Variants in PRKN observed in about 807,000 individuals in gnomAD.
The protein encoded by PRKN is E3 ubiquitin-protein ligase parkin.
PRKN carries 56 observed loss-of-function variants against 59.5 expected under a neutral mutation model. The observed-to-expected ratio is 0.94, with a 90% CI of 0.76 to 1.18. The LOEUF is 1.18. PRKN is among the 50% of genes most tolerant of loss of function. The pLI is 0.00. For missense variants in PRKN, 657 were observed against 596.4 expected (o/e 1.10, Z -1.06); for synonymous variants, 250 against 222.1 (o/e 1.13, Z -1.12).
At chr6:161,745,876 G>C (rs1449437353) in intron 7 of PRKN, among the ~76,000 whole-genome samples, 1 of 152,246 alleles carries the variant, frequency 6.6e-6, no homozygotes, top group South Asian at 2.1e-4. Flanking sequence ...ACTGTAATAT[G>C]ATGAAGCTAA....
chr6:161,620,172 T>G (rs1782844847), intron 7 of PRKN, among the ~76,000 whole-genome samples: 1 of 151,104 alleles, frequency 6.6e-6, no homozygotes, highest in Admixed American at 6.6e-5. Flanking sequence ...TTTTTTTTTT[T>G]TGTATTTTTA....
At chr6:162,101,004 G>A (rs1193563403) in intron 4 of PRKN, among the ~76,000 whole-genome samples, 1 of 151,918 alleles carries the variant, frequency 6.6e-6, no homozygotes, top group Non-Finnish European at 1.5e-5. Context: ...TGTATGGTTG[G>A]CAAATATTTT....
At chr6:162,495,373 T>C (rs1021777249) in intron 1 of PRKN, among the ~76,000 whole-genome samples, 5 of 152,202 alleles carry the variant, frequency 3.3e-5, no homozygotes, top group Non-Finnish European at 7.4e-5. Context: ...TTTTTGGTCT[T>C]TTTATTTCAG....
chr6:162,049,538 A>T (rs560009304), intron 5 of PRKN, among the ~76,000 whole-genome samples: 1 of 152,226 alleles, frequency 6.6e-6, no homozygotes, highest in South Asian at 2.1e-4. Context: ...CAGAAGAAAA[A>T]ATATAGTTGG....
intron 1 of PRKN, among the ~76,000 whole-genome samples, chr6:162,613,391 A>C (rs747163115): frequency 6.6e-6 from 1 of 152,224 alleles, no homozygotes; most frequent in Non-Finnish European, 1.5e-5. Context: ...CCTGTATTAC[A>C]ATCAGTTTGA....
In PRKN at chr6:161,552,604, C is replaced by A. The variant is rs900820367; in HGVS notation, c.934-3601G>T. On this transcript the variant is annotated intron_variant, in intron 8 of 11. Transcript: ENST00000366898. The surrounding 1 kb of genome is among the most constrained non-coding windows in gnomAD (Gnocchi z 4.9). ...AAAAACAAAAACAAAAAACAAAAAA[C>A]AAAAAACTTTTTATTGTAAATATCA... 2.7e-5 allele frequency among the ~76,000 whole-genome samples: 4 copies of A among 146,598 alleles called. No individual in the cohort carries two copies. The highest frequency in any genetic ancestry group is 1.1e-4 in the African/African-American group (4 of 37,016).
At chr6:161,626,363 T>C (rs536051162) in intron 7 of PRKN, among the ~76,000 whole-genome samples, 13 of 152,264 alleles carry the variant, frequency 8.5e-5, no homozygotes, top group East Asian at 1.9e-4. Flanking sequence ...CTACCACCCA[T>C]GTGTACACGA....
chr6:161,545,581 T>C lies in PRKN; in HGVS notation c.1083+3273A>G, dbSNP rs1779768763. On this transcript the variant is annotated intron_variant, in intron 9 of 11. Coordinates refer to ENST00000366898, the MANE Select transcript of PRKN (RefSeq NM_004562.3). The surrounding 1 kb of genome is among the most constrained non-coding windows in gnomAD (Gnocchi z 4.1). ...TTACACTCCTTAAACCCAGAAAAGA[T>C]GGGCAGCTTACAAGGTTATACAAAC... 1.3e-5 allele frequency: 9 copies of C among 674,104 alleles called. No individual in the cohort carries two copies. The highest frequency in any genetic ancestry group is 7.2e-5 in the African/African-American group (4 of 55,544). The allele number at this position is 674,104 out of a possible 1,614,324, so 41.8% of individuals were successfully genotyped here.
intron 6 of PRKN, among the ~76,000 whole-genome samples, chr6:161,805,445 C>CACACAT (rs1288114171): frequency 2.0e-5 from 1 of 51,052 alleles, no homozygotes; most frequent in Non-Finnish European, 3.7e-5. Context: ...TTCCTGAGTA[C>CACACAT]ACACATGCAC....
intron 7 of PRKN, among the ~76,000 whole-genome samples, chr6:161,764,473 A>G (rs893477153): frequency 2.0e-5 from 3 of 152,220 alleles, no homozygotes; most frequent in Admixed American, 6.5e-5. Flanking sequence ...TACAAATTAT[A>G]TCATTCAACA....
chr6:161,355,537 G>A lies in PRKN; in HGVS notation c.1285+4551C>T, dbSNP rs556086820. Among the ~76,000 whole-genome samples the A allele has an allele frequency of 3.9e-5, 6 of 152,058 alleles. No individual in the cohort carries two copies. The highest frequency in any genetic ancestry group is 1.4e-4 in the African/African-American group (6 of 41,476). ...GTGTCTCGGCCTCCCGAGTAGCTGG[G>A]ATCACAGGTGCCTGCCACCACACCT... On this transcript the variant is annotated intron_variant, in intron 11 of 11. Transcript: ENST00000366898. This position sits in a 1 kb window ranked among gnomAD's most constrained non-coding sequence, Gnocchi z 6.8.
At chr6:162,480,348 T>C (rs1156577252) in intron 1 of PRKN, among the ~76,000 whole-genome samples, 1 of 152,100 alleles carries the variant, frequency 6.6e-6, no homozygotes, top group African/African-American at 2.4e-5. Flanking sequence ...CTAACTGAAA[T>C]GTCATGGGGC....
At chr6:162,101,475 T>C (rs1181014121) in intron 4 of PRKN, among the ~76,000 whole-genome samples, 1 of 151,676 alleles carries the variant, frequency 6.6e-6, no homozygotes, top group Non-Finnish European at 1.5e-5. Context: ...GAGACCATCC[T>C]GGCTAACGTG....
intron 1 of PRKN, among the ~76,000 whole-genome samples, chr6:162,650,423 C>A (rs963869165): frequency 9.2e-5 from 14 of 151,572 alleles, no homozygotes; most frequent in African/African-American, 3.4e-4. Context: ...ACGGTGAAAC[C>A]CCGTCTCTAC....
At chr6:162,470,221 C>T (rs574495520) in intron 1 of PRKN, among the ~76,000 whole-genome samples, 46 of 152,244 alleles carry the variant, frequency 3.0e-4, no homozygotes, top group African/African-American at 1.1e-3. Flanking sequence ...ATGTCCTTGA[C>T]ATTTTATGAT....
At chr6:162,433,187 T>C (rs975963130) in intron 2 of PRKN, among the ~76,000 whole-genome samples, 2 of 152,236 alleles carry the variant, frequency 1.3e-5, no homozygotes, top group African/African-American at 4.8e-5. Context: ...AAAATTTGCT[T>C]ATGTGTCAGT....
intron 7 of PRKN, among the ~76,000 whole-genome samples, chr6:161,757,933 G>GTATATATA (rs1415902228): frequency 1.4e-4 from 14 of 101,430 alleles, no homozygotes; most frequent in South Asian, 7.2e-4. Flanking sequence ...CTCTCTCTCT[G>GTATATATA]TATATATATG....
At chr6:161,433,382 CTGTT>C (rs1315917310) in intron 9 of PRKN, among the ~76,000 whole-genome samples, 1 of 143,126 alleles carries the variant, frequency 7.0e-6, no homozygotes, top group East Asian at 2.0e-4. Flanking sequence ...TTTGGATTAA[CTGTT>C]TACTACTAAT....
At chr6:161,613,185 A>C (rs912818959) in intron 7 of PRKN, among the ~76,000 whole-genome samples, 5 of 152,260 alleles carry the variant, frequency 3.3e-5, no homozygotes, top group South Asian at 4.1e-4. Context: ...GGAGGAAGTC[A>C]ATTTCATCCC....
Sources: allele counts gnomAD v4.1 joint callset (sites outside exome capture counted in the v4.1 genomes callset), GRCh38; gene constraint gnomAD v4.1.1; non-coding constraint Gnocchi (gnomAD v3.1); transcripts MANE v1.5; gene names NCBI Gene and HGNC (gene_info 2026-07-23, HGNC 2026-07-21).